Variants in CRB1 observed in about 807,000 individuals in gnomAD.
CRB1 encodes the protein protein crumbs homolog 1.
Under a neutral mutation model 120.0 loss-of-function variants are expected in CRB1, and 83 were observed. That is an observed-to-expected ratio of 0.69 (90% CI 0.58 to 0.83). The LOEUF is 0.83. CRB1 is among the 40% of genes least tolerant of loss of function. The pLI, the probability that CRB1 is intolerant of heterozygous loss-of-function variation, is 0.00. For missense variants in CRB1, 1,699 were observed against 1,687.6 expected (o/e 1.01, Z -0.12); for synonymous variants, 625 against 612.5 (o/e 1.02, Z -0.30).
At chr1:197,419,363 C>T (rs1664167049) in intron 5 of CRB1, among the ~76,000 whole-genome samples, 2 of 127,266 alleles carry the variant, frequency 1.6e-5, no homozygotes, top group African/African-American at 5.6e-5. Flanking sequence ...AGATTGGATT[C>T]TTTTTTTTTT....
chr1:197,456,402 T>C (rs985082523), intron 11 of CRB1, among the ~76,000 whole-genome samples: 1 of 152,114 alleles, frequency 6.6e-6, no homozygotes, highest in Admixed American at 6.6e-5. Context: ...TGTTTTTGTG[T>C]GTGTGAATGT....
chr1:197,306,506 C>T (rs750090475), intron 1 of CRB1, among the ~76,000 whole-genome samples: 2 of 152,080 alleles, frequency 1.3e-5, no homozygotes, highest in African/African-American at 2.4e-5. Context: ...GAAAGTACTA[C>T]GCTGAGATGG....
the CRB1 span, among the ~76,000 whole-genome samples, chr1:197,236,605 G>T: frequency 1.3e-5 from 2 of 152,104 alleles, no homozygotes; most frequent in Non-Finnish European, 2.9e-5. Flanking sequence ...CTAATCTTAG[G>T]ATGAAAATAT....
intron 7 of CRB1, 138 bp from the exon 8 acceptor site, chr1:197,429,311 A>T: frequency 7.6e-7 from 1 of 1,319,676 alleles, no homozygotes; most frequent in South Asian, 1.2e-5. Context: ...TATTTAGTTA[A>T]CAATGGATCT....
chr1:197,329,608 G>T (rs574579184), intron 2 of CRB1, among the ~76,000 whole-genome samples: 138 of 152,244 alleles, frequency 9.1e-4, no homozygotes, highest in Admixed American at 5.2e-3. Flanking sequence ...AAAGTAACAA[G>T]TTGACAACTC....
At chr1:197,202,353 T>A in the CRB1 span, among the ~76,000 whole-genome samples, 1 of 152,262 alleles carries the variant, frequency 6.6e-6, no homozygotes, top group Admixed American at 6.5e-5. Context: ...TCACATGGAT[T>A]TGCACAAAGA....
chr1:197,219,804 A>G, the CRB1 span, among the ~76,000 whole-genome samples: 1 of 152,188 alleles, frequency 6.6e-6, no homozygotes, highest in South Asian at 2.1e-4. Flanking sequence ...CTCCAGCCAC[A>G]ATGATCTTCT....
At chr1:197,222,834 C>T in the CRB1 span, 52 of 1,512,050 alleles carry the variant, frequency 3.4e-5, no homozygotes, top group Non-Finnish European at 4.7e-5. Context: ...GGATCATTCT[C>T]CTGATTTATA....
chr1:197,447,035 T>G (rs1483295642), intron 11 of CRB1, among the ~76,000 whole-genome samples: 5 of 152,216 alleles, frequency 3.3e-5, no homozygotes, highest in Non-Finnish European at 7.3e-5. Context: ...GCAACAATAT[T>G]ACTTCAAACT....
intron 5 of CRB1, among the ~76,000 whole-genome samples, chr1:197,398,627 A>G (rs910248106): frequency 6.6e-6 from 1 of 152,200 alleles, no homozygotes; most frequent in Non-Finnish European, 1.5e-5. Flanking sequence ...GTCAATTTAT[A>G]CAATCTGAAT....
chr1:197,334,272 A>G (rs897009805), intron 2 of CRB1, among the ~76,000 whole-genome samples: 3 of 152,246 alleles, frequency 2.0e-5, no homozygotes, highest in African/African-American at 4.8e-5. Flanking sequence ...AGGAAACACA[A>G]ATCAATAAAA....
the CRB1 span, among the ~76,000 whole-genome samples, chr1:197,235,681 C>T: frequency 2.0e-5 from 3 of 152,218 alleles, no homozygotes; most frequent in African/African-American, 7.2e-5. Flanking sequence ...ACCACAGACT[C>T]GTAAGTTAAA....
chr1:197,288,098 A>T (rs779170200), intron 1 of CRB1, among the ~76,000 whole-genome samples: 14 of 151,922 alleles, frequency 9.2e-5, no homozygotes, highest in Non-Finnish European at 1.8e-4. Flanking sequence ...AATTCATGAG[A>T]CGGAGTACCT....
intron 11 of CRB1, 177 bp from the exon 12 acceptor site, chr1:197,477,487 T>C: frequency 1.4e-6 from 1 of 709,102 alleles, no homozygotes; most frequent in South Asian, 1.5e-5. Flanking sequence ...ATATGATTAT[T>C]TGTAAATGAT....
chr1:197,324,175 T>C (rs1431458372), intron 1 of CRB1, among the ~76,000 whole-genome samples: 2 of 152,160 alleles, frequency 1.3e-5, no homozygotes, highest in Non-Finnish European at 2.9e-5. Flanking sequence ...TAATTGTGGT[T>C]GATGATGATG....
chr1:197,208,311 C>T, the CRB1 span, among the ~76,000 whole-genome samples: 1 of 152,114 alleles, frequency 6.6e-6, no homozygotes, highest in Admixed American at 6.5e-5. Context: ...TGCCATATTA[C>T]CAGAATTGTT....
the CRB1 span, among the ~76,000 whole-genome samples, chr1:197,228,730 A>G: frequency 2.2e-4 from 34 of 152,148 alleles, no homozygotes; most frequent in Non-Finnish European, 4.6e-4. Flanking sequence ...CTCTACTGGT[A>G]CCAATATACT....
chr1:197,443,499 C>G (rs1018932320), intron 11 of CRB1: 5 of 151,666 alleles, frequency 3.3e-5, no homozygotes, highest in African/African-American at 1.2e-4. Context: ...ATTTCAGTTG[C>G]TTTTCAATGA....
At chr1:197,281,487 G>A (rs1655517622) in intron 1 of CRB1, among the ~76,000 whole-genome samples, 1 of 151,734 alleles carries the variant, frequency 6.6e-6, no homozygotes, top group African/African-American at 2.4e-5. Context: ...CTCTTCACGT[G>A]TTGGGAAGTG....
Sources: gnomAD v4.1 joint callset for allele counts (sites outside exome capture counted in the v4.1 genomes callset) on GRCh38, gnomAD v4.1.1 for gene constraint, MANE v1.5 for transcripts, NCBI Gene and HGNC (gene_info 2026-07-23, HGNC 2026-07-21) for gene names.